The following MACROD1 variants were observed in gnomAD, a reference collection of about 807,000 sequenced individuals.
The protein encoded by MACROD1 is mono-ADP ribosylhydrolase 1.
A neutral mutation model predicts 41.4 loss-of-function variants in MACROD1; 31 were observed. The ratio of observed to expected loss-of-function variants is 0.75; its 90% confidence interval spans 0.56 to 1.01. The LOEUF (loss-of-function observed/expected upper bound fraction) is 1.01. Among genes scored for constraint, MACROD1 ranks in the 50% least tolerant of loss-of-function variants. MACROD1 has a pLI of 0.00. For synonymous variants in MACROD1, 252 were observed against 203.4 expected (o/e 1.24, Z -2.03); for missense variants, 473 against 460.0 (o/e 1.03, Z -0.26).
rs961345578 is a variant in MACROD1 at position 64,045,249 on chromosome 11, C to T, written c.518-29968G>A. Among the ~76,000 whole-genome samples the T allele has an allele frequency of 1.8e-4, 27 of 152,274 alleles. No individual in the cohort carries two copies. The South Asian group carries it at 4.8e-3, about 27-fold the overall frequency. Reference sequence around the variant, plus strand: ...GGGGCGGGTGGTGGGCGAAGGGGCCCGGGAGGGTGCTGGCGGCCTGCCGTC... The same window carrying T: ...GGGGCGGGTGGTGGGCGAAGGGGCCTGGGAGGGTGCTGGCGGCCTGCCGTC... On this transcript the variant is annotated intron_variant, in intron 3 of 10. Coordinates refer to ENST00000255681, the MANE Select transcript of MACROD1 (RefSeq NM_014067.4).
chr11:64,006,706 A>G (rs998029806), intron 4 of MACROD1, among the ~76,000 whole-genome samples: 1 of 152,196 alleles, frequency 6.6e-6, no homozygotes, highest in Non-Finnish European at 1.5e-5. Flanking sequence ...AGTTGTGGCC[A>G]CGGGACAGGG....
At chr11:64,009,517 A>T (rs1942968371) in intron 4 of MACROD1, among the ~76,000 whole-genome samples, 1 of 152,226 alleles carries the variant, frequency 6.6e-6, no homozygotes, top group Non-Finnish European at 1.5e-5. Context: ...GGCAGAGCCA[A>T]GCCCTGAGTC....
At chr11:64,125,800 G>C (rs1319940473) in intron 3 of MACROD1, among the ~76,000 whole-genome samples, 1 of 152,248 alleles carries the variant, frequency 6.6e-6, no homozygotes, top group Admixed American at 6.5e-5. Context: ...GGGCCCCACA[G>C]AGGCGCTGCA....
At chr11:64,060,154 ATATT>A (rs1389599000) in intron 3 of MACROD1, among the ~76,000 whole-genome samples, 4 of 152,264 alleles carry the variant, frequency 2.6e-5, no homozygotes, top group East Asian at 3.8e-4. Flanking sequence ...AAGTGAATGA[ATATT>A]TAAGGCGCGG....
chr11:64,003,680 C>T (rs1942863522), intron 4 of MACROD1, among the ~76,000 whole-genome samples: 1 of 152,224 alleles, frequency 6.6e-6, no homozygotes, highest in Non-Finnish European at 1.5e-5. Flanking sequence ...AACTGAGGCA[C>T]AGAGAGCAAA....
intron 4 of MACROD1, 117 bp from the exon 5 acceptor site, chr11:64,000,460 A>C (rs1942803839): frequency 1.7e-6 from 1 of 600,724 alleles, no homozygotes; most frequent in African/African-American, 2.0e-5. Flanking sequence ...GCCGCGCCCC[A>C]ACCCCGTGGC....
rs1368541816 is a variant in MACROD1 at position 64,096,901 on chromosome 11, C to G, written c.517+54338G>C. The stretch of plus-strand genomic sequence containing the variant: ...GAGCTGAGAGCCGATGCCTGTCCCT[C>G]CGTGAGCTGGGTGCGAGTGGCCCTT... On this transcript the variant is annotated intron_variant, in intron 3 of 10. Coordinates refer to ENST00000255681, the MANE Select transcript of MACROD1 (RefSeq NM_014067.4). This position sits in a 1 kb window ranked among gnomAD's most constrained non-coding sequence, Gnocchi z 4.6. Among the ~76,000 whole-genome samples the G allele has an allele frequency of 6.6e-6, 1 of 152,238 alleles. No individual in the cohort carries two copies. Among genetic ancestry groups the G allele is most frequent in the Non-Finnish European group, 1.5e-5 (1 of 68,042 alleles).
At chr11:63,998,812 G>A in intron 10 of MACROD1, 26 bp downstream of exon 10, 16 of 1,504,878 alleles carry the variant, frequency 1.1e-5, no homozygotes, top group African/African-American at 1.4e-5. Flanking sequence ...GGCCGGGGCC[G>A]CCGCACGGGG....
intron 3 of MACROD1, among the ~76,000 whole-genome samples, chr11:64,065,095 C>G (rs2097478110): frequency 6.6e-6 from 1 of 152,220 alleles, no homozygotes; most frequent in Non-Finnish European, 1.5e-5. Flanking sequence ...GACTCGGCGG[C>G]CTCGGAGAGA....
Position 64,165,752 on chromosome 11 carries a change from C to G in MACROD1, c.243G>C (p.Leu81=). 1 of 1,499,296 alleles carries G rather than the reference C, an allele frequency of 6.7e-7. No individual in the cohort carries two copies. Among genetic ancestry groups the G allele is most frequent in the Admixed American group, 2.4e-5 (1 of 41,194 alleles). The allele number at this position is 1,499,296 out of a possible 1,614,324, so 92.9% of individuals were successfully genotyped here. ...TCAGGTCCACCTTCGCCGCCATGGC[C>G]AGGGGGGCCCAAGTGCGCACCCCGG... The part of the protein sequence containing the change: ...RTAGVRTWAP[L]AMAAKVDLST... Residue 81 remains leucine, a synonymous_variant, in exon 1 of 11, where the codon CTG becomes CTC. Transcript: ENST00000255681.
chr11:64,121,810 A>C (rs1246710263), intron 3 of MACROD1, among the ~76,000 whole-genome samples: 1 of 152,212 alleles, frequency 6.6e-6, no homozygotes, highest in Non-Finnish European at 1.5e-5. Context: ...CGGCCCCAGC[A>C]CTGATGAGTA....
At chr11:64,051,965 T>G (rs967083307) in intron 3 of MACROD1, among the ~76,000 whole-genome samples, 2 of 151,282 alleles carry the variant, frequency 1.3e-5, no homozygotes, top group Admixed American at 1.3e-4. Flanking sequence ...TGTTATGTGT[T>G]TGTGCCATTC....
At chr11:64,108,729 T>C (rs651359) in intron 3 of MACROD1, among the ~76,000 whole-genome samples, 41,839 of 152,124 alleles carry the variant, frequency 0.28, 6,546 homozygotes, top group African/African-American at 0.44. Context: ...CAGTGAGGAA[T>C]TGAAGGCATG....
At chr11:64,142,019 T>C (rs957288554) in intron 3 of MACROD1, among the ~76,000 whole-genome samples, 2 of 152,212 alleles carry the variant, frequency 1.3e-5, no homozygotes, top group African/African-American at 4.8e-5. Flanking sequence ...CTGGGCCTTG[T>C]ACCTCCAGCA....
At chr11:64,070,607 C>T (rs562726448) in intron 3 of MACROD1, among the ~76,000 whole-genome samples, 1 of 152,304 alleles carries the variant, frequency 6.6e-6, no homozygotes, top group African/African-American at 2.4e-5. Context: ...GGGCCCCCTT[C>T]CCAGAGGAGG....
At chr11:64,116,279 A>G in intron 3 of MACROD1, 1 of 1,595,360 alleles carries the variant, frequency 6.3e-7, no homozygotes, top group South Asian at 1.1e-5. Flanking sequence ...TGGTGGTGGC[A>G]CACCCCACCG....
intron 3 of MACROD1, among the ~76,000 whole-genome samples, chr11:64,135,067 C>G (rs539004767): frequency 5.9e-5 from 9 of 152,242 alleles, no homozygotes; most frequent in African/African-American, 1.2e-4. Context: ...CCCTGCCAGG[C>G]CTGCATCCTG....
intron 3 of MACROD1, among the ~76,000 whole-genome samples, chr11:64,091,159 G>T (rs1035011828): frequency 5.0e-5 from 7 of 139,912 alleles, no homozygotes; most frequent in Non-Finnish European, 9.3e-5. Context: ...ATAGAAGAGG[G>T]ATGGGGAGGG....
chr11:64,131,917 G>A (rs1020917649), intron 3 of MACROD1, among the ~76,000 whole-genome samples: 11 of 152,210 alleles, frequency 7.2e-5, no homozygotes, highest in East Asian at 1.9e-4. Flanking sequence ...AGGGGGAACC[G>A]GAGGGAAGTG....
Sources: allele counts gnomAD v4.1 joint callset (sites outside exome capture counted in the v4.1 genomes callset), GRCh38; gene constraint gnomAD v4.1.1; non-coding constraint Gnocchi (gnomAD v3.1); transcripts MANE v1.5; gene names NCBI Gene and HGNC (gene_info 2026-07-23, HGNC 2026-07-21).